CENPU: variants seen among roughly 807,000 people sequenced by gnomAD.
The protein encoded by CENPU is centromere protein U, also known as KSHV latent nuclear antigen interacting protein 1.
Under a neutral mutation model 56.7 loss-of-function variants are expected in CENPU, and 46 were observed. The ratio of observed to expected loss-of-function variants is 0.81; its 90% CI spans 0.64 to 1.04. The LOEUF is 1.04. CENPU is among the 50% of genes least tolerant of loss of function. CENPU has a pLI of 0.00. For missense variants in CENPU, 510 were observed against 490.1 expected (o/e 1.04, Z -0.38); for synonymous variants, 166 against 163.0 (o/e 1.02, Z -0.14).
chr4:184,731,711 A>G (rs1156552990), intron 1 of CENPU, among the ~76,000 whole-genome samples: 1 of 152,206 alleles, frequency 6.6e-6, no homozygotes, highest in Admixed American at 6.5e-5. Context: ...ACATAATTAG[A>G]CTTTAAAATA....
intron 8 of CENPU, 176 bp from the exon 9 acceptor site, chr4:184,702,617 T>C (rs1411066755): frequency 1.9e-5 from 9 of 478,630 alleles, no homozygotes; most frequent in African/African-American, 4.0e-5. Flanking sequence ...AGGGGTTTGT[T>C]ATATGGGCAT....
intron 3 of CENPU, among the ~76,000 whole-genome samples, chr4:184,726,798 G>C (rs1761465826): frequency 6.6e-6 from 1 of 152,040 alleles, no homozygotes; most frequent in Non-Finnish European, 1.5e-5. Flanking sequence ...AGCTTAAAAA[G>C]GAAATTCTGG....
At chr4:184,726,921 G>A (rs531846143) in intron 3 of CENPU, among the ~76,000 whole-genome samples, 10 of 125,144 alleles carry the variant, frequency 8.0e-5, no homozygotes, top group East Asian at 7.0e-4. Flanking sequence ...AAGCCCCATC[G>A]CTACTGAAAA....
chr4:184,717,178 A>T lies in CENPU; in HGVS notation c.339T>A (p.Asn113Lys). The change falls in exon 5 of 13, where the codon AAT (asparagine) becomes AAA (lysine). Residue 113 changes from asparagine (N) to lysine (K), a missense_variant. Transcript: ENST00000281453. Reference protein sequence around the residue: ...EAKRSSDTSGNEASEIESVKI... With the variant: ...EAKRSSDTSGKEASEIESVKI... ...TTACAGATTCGATTTCACTTGCTTC[A>T]TTTCCAGAAGTGTCTGAACTGTAAA... is the stretch of plus-strand genomic sequence containing the variant. 6.2e-7 allele frequency: 1 copy of T among 1,612,464 alleles called. No individual in the cohort carries two copies.
At chr4:184,707,017 G>T (rs538961879) in intron 8 of CENPU, among the ~76,000 whole-genome samples, 17 of 151,330 alleles carry the variant, frequency 1.1e-4, no homozygotes, top group African/African-American at 4.2e-4. Context: ...TTGTGAATAG[G>T]TAAAGGATAA....
chr4:184,699,872 G>A (rs2016381), intron 11 of CENPU, among the ~76,000 whole-genome samples: 27,115 of 152,090 alleles, frequency 0.18, 2,719 homozygotes, highest in African/African-American at 0.26. Flanking sequence ...GGCCAAGCTG[G>A]TCTTGAACTC....
At chr4:184,719,287 C>T (rs1229510752) in intron 4 of CENPU, among the ~76,000 whole-genome samples, 1 of 152,216 alleles carries the variant, frequency 6.6e-6, no homozygotes, top group Non-Finnish European at 1.5e-5. Flanking sequence ...GCTGATACCA[C>T]CCCTTCCCCA....
intron 8 of CENPU, among the ~76,000 whole-genome samples, chr4:184,708,185 G>A (rs4862406): frequency 0.55 from 79,724 of 143,936 alleles, 24,057 homozygotes; most frequent in Non-Finnish European, 0.69. Context: ...ATCGCGCTAC[G>A]GCACTCTAGC....
chr4:184,705,988 G>A (rs1425521023), intron 8 of CENPU, among the ~76,000 whole-genome samples: 1 of 152,134 alleles, frequency 6.6e-6, no homozygotes, highest in East Asian at 1.9e-4. Context: ...GATTTAACGG[G>A]TACAGAATGT....
chr4:184,733,823 G>A (rs1290684448), intron 1 of CENPU, among the ~76,000 whole-genome samples, 193 bp downstream of exon 1: 5 of 152,156 alleles, frequency 3.3e-5, no homozygotes, highest in Non-Finnish European at 7.4e-5. Flanking sequence ...GTTAGGCCCC[G>A]ACAGGCCCGT....
chr4:184,724,071 T>C (rs113683526), intron 4 of CENPU, among the ~76,000 whole-genome samples: 8,409 of 151,772 alleles, frequency 0.055, 739 homozygotes, highest in African/African-American at 0.19. Flanking sequence ...GAGACCAGCC[T>C]GGGTAACATG....
In CENPU at chr4:184,706,417, T is replaced by C. The variant is rs904143241; in HGVS notation, c.797+3655A>G. Among the ~76,000 whole-genome samples, 5 of 152,334 alleles carry C rather than the reference T, an allele frequency of 3.3e-5. No homozygotes were observed. In the South Asian group the frequency reaches 8.3e-4, roughly 25 times the overall value. On this transcript the variant is annotated intron_variant, in intron 8 of 12. Transcript: ENST00000281453. ...CATATGGCTTGTAATGATAAATCAA[T>C]GGATTCTTTCAATCACAAAGGTGAT... is the stretch of plus-strand genomic sequence containing the variant.
intron 4 of CENPU, among the ~76,000 whole-genome samples, chr4:184,719,370 G>C (rs1478303534): frequency 6.6e-6 from 1 of 152,210 alleles, no homozygotes; most frequent in African/African-American, 2.4e-5. Context: ...TTGAAGCTTT[G>C]CTTTGAATTC....
At chr4:184,703,594 CA>C (rs1192759694) in intron 8 of CENPU, among the ~76,000 whole-genome samples, 3 of 151,896 alleles carry the variant, frequency 2.0e-5, no homozygotes, top group African/African-American at 7.3e-5. Flanking sequence ...TTGGCAGTTC[CA>C]AAAAAATAAA....
intron 1 of CENPU, among the ~76,000 whole-genome samples, chr4:184,731,954 C>T (rs938669640): frequency 2.0e-5 from 3 of 150,026 alleles, no homozygotes; most frequent in Non-Finnish European, 4.4e-5. Context: ...TACAATATGT[C>T]TTTCCTAAGA....
rs1760131147 is a variant in CENPU at position 184,694,711 on chromosome 4, C to T, written c.*577G>A. On this transcript the variant is annotated 3_prime_UTR_variant, in exon 13 of 13. Coordinates refer to ENST00000281453, the MANE Select transcript of CENPU (RefSeq NM_024629.4). ...ATTAGCTGAAGCTGCAGAGAACAGT[C>T]TTCTCAGTTATAACAGTGAAGTGGA... 8 of 1,613,108 alleles carry T rather than the reference C, an allele frequency of 5.0e-6. No individual in the cohort carries two copies. The highest frequency in any genetic ancestry group is 5.9e-6 in the Non-Finnish European group (7 of 1,179,166).
In CENPU at chr4:184,695,342, T is replaced by TTCGG. The variant is rs765064721; in HGVS notation, c.1199_1202dup (p.Glu401AspfsTer17). 6.2e-7 allele frequency: 1 copy of TTCGG among 1,613,652 alleles called. No homozygotes were observed. The highest frequency in any genetic ancestry group is 1.1e-5 in the South Asian group (1 of 91,080). On this transcript the variant is annotated frameshift_variant, in exon 13 of 13. Coordinates refer to ENST00000281453, the MANE Select transcript of CENPU (RefSeq NM_024629.4). LOFTEE classifies it high-confidence loss of function. ...GATGGTTGATATTTCGCAGATGGCT[T>TTCGG]TCGGCTCCCAGAAGTGTTCTTGCTT...
intron 2 of CENPU, 147 bp downstream of exon 2, chr4:184,730,773 C>T (rs1379836047): frequency 3.0e-5 from 16 of 539,126 alleles, no homozygotes; most frequent in Non-Finnish European, 4.9e-5. Context: ...TCCACTATAC[C>T]GGAAAAAGTG....
chr4:184,694,386 CA>C lies in CENPU; in HGVS notation c.*901del. ...CATTCCCACGGTGAGATATCGGAGA[CA>C]GCATTCCTCCTGCATATTCACTTTA... On this transcript the variant is annotated 3_prime_UTR_variant, in exon 13 of 13. Coordinates refer to ENST00000281453, the MANE Select transcript of CENPU (RefSeq NM_024629.4). 1 of 1,418,968 alleles carries C rather than the reference CA, an allele frequency of 7.0e-7. No homozygotes were observed. Among genetic ancestry groups the C allele is most frequent in the African/African-American group, 1.4e-5 (1 of 69,524 alleles). 87.9% of individuals were successfully genotyped at this position (1,418,968 alleles called of 1,614,324 possible). A position where few individuals can be genotyped will look rare whatever the true frequency, so the allele number is the denominator to read the frequency against.
Sources: allele counts gnomAD v4.1 joint callset (sites outside exome capture counted in the v4.1 genomes callset), GRCh38; gene constraint gnomAD v4.1.1; transcripts MANE v1.5; gene names NCBI Gene and HGNC (gene_info 2026-07-23, HGNC 2026-07-21).